The following SNTG1 variants were observed in gnomAD, a reference collection of about 807,000 sequenced individuals.
The protein encoded by SNTG1 is syntrophin gamma 1.
Under a neutral mutation model 74.7 loss-of-function variants are expected in SNTG1, and 39 were observed. That is an observed-to-expected ratio of 0.52 (90% CI 0.40 to 0.68). The LOEUF (loss-of-function observed/expected upper bound fraction) is 0.68, where lower values mean the gene tolerates loss of function less well. SNTG1 is among the 30% of genes least tolerant of loss of function. SNTG1 has a pLI of 0.00. For synonymous variants in SNTG1, 254 were observed against 217.1 expected (o/e 1.17, Z -1.49); for missense variants, 685 against 609.5 (o/e 1.12, Z -1.30).
At chr8:50,784,111 C>T (rs1215660065) in intron 18 of SNTG1, among the ~76,000 whole-genome samples, 1 of 152,144 alleles carries the variant, frequency 6.6e-6, no homozygotes, top group Non-Finnish European at 1.5e-5. Flanking sequence ...AGTAGGAGAT[C>T]CAGTTCGCCA....
At chr8:50,749,748 C>T (rs916824270) in intron 17 of SNTG1, among the ~76,000 whole-genome samples, 1 of 151,998 alleles carries the variant, frequency 6.6e-6, no homozygotes, top group Non-Finnish European at 1.5e-5. Flanking sequence ...GCATGGTTTA[C>T]TGAATATGTT....
intron 2 of SNTG1, among the ~76,000 whole-genome samples, chr8:50,224,240 T>A (rs969060036): frequency 1.3e-5 from 2 of 152,200 alleles, no homozygotes; most frequent in African/African-American, 2.4e-5. Flanking sequence ...AAATTCTGCT[T>A]ACATTGTTTT....
intron 2 of SNTG1, among the ~76,000 whole-genome samples, chr8:50,177,943 A>G (rs575313615): frequency 1.1e-4 from 17 of 152,250 alleles, no homozygotes; most frequent in Middle Eastern, 3.4e-3. Flanking sequence ...CATTTTCTCA[A>G]TTGTCACATA....
intron 1 of SNTG1, among the ~76,000 whole-genome samples, chr8:49,960,389 T>C (rs939395159): frequency 3.9e-5 from 6 of 152,144 alleles, no homozygotes; most frequent in Non-Finnish European, 8.8e-5. Flanking sequence ...ATAAAGTAGG[T>C]AATGAAGGGT....
Position 50,154,602 on chromosome 8 carries a change from A to G in SNTG1, c.-102-17959A>G, listed in dbSNP as rs562361082. Among the ~76,000 whole-genome samples, 52 of 152,360 alleles carry G rather than the reference A, an allele frequency of 3.4e-4. 1 individual carries two copies. The South Asian group carries it at 0.011, about 32-fold the overall frequency. ...CAGAAATAAGTCCTGTCGTTCCTCAAATAATGAAATAAGAAAGATGCTCAT... is the reference window on the plus strand; with the variant it reads ...CAGAAATAAGTCCTGTCGTTCCTCAGATAATGAAATAAGAAAGATGCTCAT... On this transcript the variant is annotated intron_variant, in intron 1 of 18. Coordinates refer to ENST00000642720, the MANE Select transcript of SNTG1 (RefSeq NM_018967.5).
intron 8 of SNTG1, among the ~76,000 whole-genome samples, chr8:50,455,803 A>C (rs1381885875): frequency 6.6e-6 from 1 of 152,240 alleles, no homozygotes; most frequent in Admixed American, 6.5e-5. Context: ...AGATCATTTT[A>C]GATTAAAATA....
intron 17 of SNTG1, among the ~76,000 whole-genome samples, chr8:50,745,913 G>A (rs2095554098): frequency 6.6e-6 from 1 of 151,836 alleles, no homozygotes; most frequent in Non-Finnish European, 1.5e-5. Context: ...CAGAGTTCCT[G>A]TTTAGGATGA....
intron 1 of SNTG1, among the ~76,000 whole-genome samples, chr8:49,941,522 C>T (rs1808685004): frequency 6.8e-6 from 1 of 146,942 alleles, no homozygotes; most frequent in Non-Finnish European, 1.5e-5. Flanking sequence ...TATATATTTA[C>T]ATTAACTTTT....
intron 1 of SNTG1, chr8:50,163,803 T>G (rs1399495892): frequency 1.3e-5 from 2 of 152,186 alleles, no homozygotes; most frequent in African/African-American, 2.4e-5. Flanking sequence ...TTAGTAAAAT[T>G]GATTTGCTTT....
intron 1 of SNTG1, among the ~76,000 whole-genome samples, chr8:49,951,769 A>G (rs547332097): frequency 1.5e-4 from 23 of 151,770 alleles, no homozygotes; most frequent in Admixed American, 9.2e-4. Flanking sequence ...AATAAAAAAA[A>G]AGCTTAACAA....
chr8:50,785,547 A>C (rs1396597521), intron 18 of SNTG1, among the ~76,000 whole-genome samples: 1 of 152,078 alleles, frequency 6.6e-6, no homozygotes, highest in Non-Finnish European at 1.5e-5. Flanking sequence ...TCCCACAAGA[A>C]AAAGCCCCAA....
chr8:50,580,265 C>T (rs1563604872), intron 12 of SNTG1, among the ~76,000 whole-genome samples: 1 of 152,148 alleles, frequency 6.6e-6, no homozygotes, highest in Non-Finnish European at 1.5e-5. Context: ...TTCCTGTACC[C>T]CTATTGTATC....
chr8:50,282,433 A>G (rs2088519011), intron 2 of SNTG1, among the ~76,000 whole-genome samples: 1 of 152,174 alleles, frequency 6.6e-6, no homozygotes, highest in Non-Finnish European at 1.5e-5. Flanking sequence ...TTACACCTAT[A>G]GATATGGGTA....
At chr8:50,461,898 G>A (rs1326678475) in intron 8 of SNTG1, among the ~76,000 whole-genome samples, 1 of 152,060 alleles carries the variant, frequency 6.6e-6, no homozygotes, top group Non-Finnish European at 1.5e-5. Flanking sequence ...TTCTAGATGT[G>A]CAAAGTAGTG....
chr8:50,286,116 C>T (rs80253283), intron 2 of SNTG1, among the ~76,000 whole-genome samples: 10,582 of 111,674 alleles, frequency 0.095, 409 homozygotes, highest in Non-Finnish European at 0.11. Context: ...TATGACCATT[C>T]TGTTCTGTTT....
intron 18 of SNTG1, among the ~76,000 whole-genome samples, chr8:50,765,387 G>A (rs1459504165): frequency 6.6e-6 from 1 of 151,988 alleles, no homozygotes; most frequent in Non-Finnish European, 1.5e-5. Context: ...TGGGCTGCCA[G>A]CCTCTCCACT....
chr8:49,926,966 G>C (rs1398188274), intron 1 of SNTG1, among the ~76,000 whole-genome samples: 1 of 152,124 alleles, frequency 6.6e-6, no homozygotes, highest in African/African-American at 2.4e-5. Flanking sequence ...AAGACATGCA[G>C]GTGGCAAATA....
chr8:49,970,458 G>T (rs1324028856), intron 1 of SNTG1, among the ~76,000 whole-genome samples: 1 of 152,120 alleles, frequency 6.6e-6, no homozygotes, highest in Admixed American at 6.6e-5. Context: ...TGTGAACAGT[G>T]CTTCTCTTCC....
chr8:50,040,017 C>A (rs1314777505), intron 1 of SNTG1, among the ~76,000 whole-genome samples: 1 of 151,968 alleles, frequency 6.6e-6, no homozygotes, highest in Non-Finnish European at 1.5e-5. Flanking sequence ...CTCTTGGACG[C>A]CACAGAGTTG....
Sources: allele counts gnomAD v4.1 joint callset (sites outside exome capture counted in the v4.1 genomes callset), GRCh38; gene constraint gnomAD v4.1.1; transcripts MANE v1.5; gene names NCBI Gene and HGNC (gene_info 2026-07-23, HGNC 2026-07-21).